The following VWA8 variants were observed in gnomAD, a reference collection of about 807,000 sequenced individuals.
VWA8 encodes the protein von Willebrand factor A domain-containing protein 8.
A neutral mutation model predicts 241.5 loss-of-function variants in VWA8; 221 were observed. That is an observed-to-expected ratio of 0.91 (90% CI 0.82 to 1.02). The LOEUF is 1.02. VWA8 is among the 50% of genes least tolerant of loss of function. The pLI is 0.00. For missense variants in VWA8, 2,322 were observed against 2,328.7 expected (o/e 1.00, Z 0.06); for synonymous variants, 852 against 827.1 (o/e 1.03, Z -0.52).
chr13:41,638,898 T>C (rs1327981202), intron 37 of VWA8, among the ~76,000 whole-genome samples: 1 of 152,064 alleles, frequency 6.6e-6, no homozygotes. Flanking sequence ...GAGAAAAAGG[T>C]GTCAAAGGAT....
chr13:41,852,806 A>G (rs1457051590), intron 12 of VWA8, among the ~76,000 whole-genome samples: 1 of 152,132 alleles, frequency 6.6e-6, no homozygotes, highest in Admixed American at 6.6e-5. Flanking sequence ...TTCTGGTTCC[A>G]TCCATCCATA....
At chr13:41,771,276 C>T (rs1002309422) in intron 20 of VWA8, among the ~76,000 whole-genome samples, 2 of 152,124 alleles carry the variant, frequency 1.3e-5, no homozygotes, top group Non-Finnish European at 2.9e-5. Context: ...ACAAGTACCA[C>T]CACATCCAGC....
At chr13:41,864,753 G>A in intron 12 of VWA8, 1 of 285,144 alleles carries the variant, frequency 3.5e-6, no homozygotes, top group South Asian at 3.2e-5. Flanking sequence ...AAAAGGAAGT[G>A]GTAATGGTTA....
chr13:41,935,557 T>G (rs1336476636), intron 2 of VWA8, among the ~76,000 whole-genome samples: 1 of 152,034 alleles, frequency 6.6e-6, no homozygotes, highest in African/African-American at 2.4e-5. Flanking sequence ...TTTTAAAAAT[T>G]ACAAATGTAG....
chr13:41,672,250 TACATATTTCAC>T (rs1593687980), intron 36 of VWA8, among the ~76,000 whole-genome samples: 1 of 152,330 alleles, frequency 6.6e-6, no homozygotes, highest in African/African-American at 2.4e-5. Flanking sequence ...ATAGATTTCT[TACATATTTCAC>T]ACATATTTCA....
chr13:41,663,657 C>T (rs1212592565), intron 37 of VWA8, among the ~76,000 whole-genome samples: 2 of 152,028 alleles, frequency 1.3e-5, no homozygotes, highest in East Asian at 1.9e-4. Flanking sequence ...TCTCCCACCT[C>T]AAACACACAT....
Position 41,611,652 on chromosome 13 carries a change from G to A in VWA8, c.4801C>T (p.Gln1601Ter). 1 of 1,614,124 alleles carries A rather than the reference G, an allele frequency of 6.2e-7. No individual in the cohort carries two copies. Among genetic ancestry groups the A allele is most frequent in the Non-Finnish European group, 8.5e-7 (1 of 1,179,988 alleles). ...DAGHTVYQVSQAEKDAVPEEV... is the reference protein window; with the variant it reads ...DAGHTVYQVS ...TCGGGAACTGCATCTTTCTCAGCCT[G>A]AGAGACCTGGTACACCGTATGGCCT... The change falls in exon 39 of 45, where the codon CAG becomes TAG. Residue 1601 changes from glutamine to a stop codon, truncating the protein, a stop_gained. Transcript: ENST00000379310. LOFTEE classifies it high-confidence loss of function.
intron 35 of VWA8, among the ~76,000 whole-genome samples, chr13:41,680,561 A>G (rs147049646): frequency 0.011 from 1,674 of 152,330 alleles, 13 homozygotes; most frequent in Non-Finnish European, 0.016. Flanking sequence ...AAAAATGGCT[A>G]AATAGGCAGT....
chr13:41,624,978 G>T (rs1157171854), intron 37 of VWA8, among the ~76,000 whole-genome samples: 1 of 152,086 alleles, frequency 6.6e-6, no homozygotes, highest in Non-Finnish European at 1.5e-5. Flanking sequence ...AAAGTTTCAG[G>T]ATACAAAATC....
intron 21 of VWA8, among the ~76,000 whole-genome samples, chr13:41,758,963 T>A (rs184779170): frequency 2.1e-3 from 323 of 151,624 alleles, no homozygotes; most frequent in South Asian, 4.1e-3. Flanking sequence ...GTTATATAAT[T>A]TGATTTTTAA....
chr13:41,862,731 T>C (rs1165642727), intron 12 of VWA8, among the ~76,000 whole-genome samples: 1 of 152,080 alleles, frequency 6.6e-6, no homozygotes, highest in Non-Finnish European at 1.5e-5. Context: ...ATGAATACCA[T>C]CTCACACCAG....
chr13:41,925,886 C>T, intron 2 of VWA8: 14 of 361,592 alleles, frequency 3.9e-5, no homozygotes, highest in Non-Finnish European at 6.6e-5. Context: ...CATACCCACA[C>T]AAGTTCCATG....
At chr13:41,569,500 C>T (rs1313429794) in intron 44 of VWA8, among the ~76,000 whole-genome samples, 1 of 152,154 alleles carries the variant, frequency 6.6e-6, no homozygotes, top group African/African-American at 2.4e-5. Flanking sequence ...CTCAACCTCG[C>T]TCTGCAACCT....
At chr13:41,822,528 T>C (rs1191052454) in intron 14 of VWA8, among the ~76,000 whole-genome samples, 1 of 152,194 alleles carries the variant, frequency 6.6e-6, no homozygotes, top group Non-Finnish European at 1.5e-5. Context: ...AATAAGTAAG[T>C]GTATACGGCT....
intron 9 of VWA8, among the ~76,000 whole-genome samples, chr13:41,878,905 AAAG>A (rs1359823241): frequency 6.6e-6 from 1 of 152,226 alleles, no homozygotes; most frequent in Non-Finnish European, 1.5e-5. Flanking sequence ...TGGTAAAGAT[AAAG>A]ACCTTTGTTC....
chr13:41,748,930 A>C (rs560120739), intron 21 of VWA8, among the ~76,000 whole-genome samples: 5 of 152,226 alleles, frequency 3.3e-5, no homozygotes, highest in African/African-American at 4.8e-5. Context: ...AGGCAGTATC[A>C]TTCAGGACAT....
intron 17 of VWA8, among the ~76,000 whole-genome samples, chr13:41,789,760 G>C (rs1869368720): frequency 6.6e-6 from 1 of 152,076 alleles, no homozygotes; most frequent in African/African-American, 2.4e-5. Context: ...AAAAGACTGA[G>C]GGGTTCTGTG....
At chr13:41,881,403 A>G in intron 9 of VWA8, among the ~76,000 whole-genome samples, 2 of 113,344 alleles carry the variant, frequency 1.8e-5, no homozygotes, top group Non-Finnish European at 1.8e-5. Context: ...AAGGTCACAG[A>G]TCAACAGGAT....
chr13:41,655,011 A>G (rs2044893368), intron 37 of VWA8, among the ~76,000 whole-genome samples: 2 of 152,010 alleles, frequency 1.3e-5, no homozygotes, highest in Non-Finnish European at 2.9e-5. Flanking sequence ...CATTAATGCT[A>G]TATCAATGTT....
Sources: allele counts gnomAD v4.1 joint callset (sites outside exome capture counted in the v4.1 genomes callset), GRCh38; gene constraint gnomAD v4.1.1; transcripts MANE v1.5; gene names NCBI Gene and HGNC (gene_info 2026-07-23, HGNC 2026-07-21).